The following GINS2 variants were observed in gnomAD, a reference collection of about 807,000 sequenced individuals.
GINS2 encodes GINS complex subunit 2.
In GINS2, 23 loss-of-function variants were observed where a neutral mutation model predicts 21.2. The observed-to-expected ratio is 1.08, with a 90% CI of 0.78 to 1.53. GINS2 has a LOEUF of 1.53. Among genes scored for constraint, GINS2 ranks in the 40% most tolerant of loss-of-function variants. GINS2 has a pLI of 0.00. For missense variants in GINS2, 323 were observed against 233.9 expected (o/e 1.38, Z -2.49); for synonymous variants, 118 against 85.6 (o/e 1.38, Z -2.09).
At chr16:85,678,369 G>T in intron 4 of GINS2, 32 bp from the exon 5 acceptor site, 6 of 1,611,452 alleles carry the variant, frequency 3.7e-6, no homozygotes, top group Non-Finnish European at 5.1e-6. Flanking sequence ...AGTTGGCCAA[G>T]GAGTTTTTGA....
At chr16:85,687,616 C>A (rs761987369) in intron 1 of GINS2, 42 bp from the exon 2 acceptor site, 8 of 1,213,006 alleles carry the variant, frequency 6.6e-6, no homozygotes, top group Admixed American at 5.0e-5. Context: ...TGAAAAAGAA[C>A]AAAAAAAGCA....
chr16:85,681,598 T>A lies in GINS2; in HGVS notation c.289A>T (p.Lys97Ter). 1 of 1,605,140 alleles carries A rather than the reference T, an allele frequency of 6.2e-7. No individual in the cohort carries two copies. Among genetic ancestry groups the A allele is most frequent in the Non-Finnish European group, 8.5e-7 (1 of 1,172,042 alleles). Residue 97 changes from lysine (K) to a stop codon, truncating the protein, a stop_gained, in exon 3 of 5, where the codon AAG becomes TAG. Coordinates refer to ENST00000253462, the MANE Select transcript of GINS2 (RefSeq NM_016095.3). LOFTEE classifies it high-confidence loss of function. ...MPSPYYMELT[K>*]LLLNHASDNI... ...TCTACTTACTGATTTAACAGGAGCTTCGTAAGTTCCATGTAGTAAGGGCTG... is the reference window on the plus strand; with the variant it reads ...TCTACTTACTGATTTAACAGGAGCTACGTAAGTTCCATGTAGTAAGGGCTG...
intron 3 of GINS2, among the ~76,000 whole-genome samples, chr16:85,681,342 A>G (rs1250327472): frequency 6.6e-6 from 1 of 152,238 alleles, no homozygotes; most frequent in African/African-American, 2.4e-5. Context: ...GAGAAAAGGA[A>G]AAATGAGAGA....
At chr16:85,686,711 C>T (rs1451434814) in intron 2 of GINS2, among the ~76,000 whole-genome samples, 1 of 152,174 alleles carries the variant, frequency 6.6e-6, no homozygotes, top group Non-Finnish European at 1.5e-5. Context: ...TTTCATTCAG[C>T]AAGATCTTTA....
At chr16:85,687,278 G>C (rs908134017) in intron 2 of GINS2, among the ~76,000 whole-genome samples, 182 bp downstream of exon 2, 2 of 152,244 alleles carry the variant, frequency 1.3e-5, no homozygotes, top group African/African-American at 4.8e-5. Context: ...ACTAACAGTG[G>C]TTAGCAGACT....
chr16:85,680,037 C>T lies in GINS2; in HGVS notation c.306-1371G>A, dbSNP rs147975495. 1.9e-3 allele frequency among the ~76,000 whole-genome samples: 291 copies of T among 152,332 alleles called. 2 individuals are homozygous for T. Among genetic ancestry groups the T allele is most frequent in the Admixed American group, 3.8e-3 (58 of 15,304 alleles). The stretch of plus-strand genomic sequence containing the variant: ...CCTACAAGTCTGCACTCCCAGCAAA[C>T]CTCTGTGAGCCCTCTCTGGCACCAC... On this transcript the variant is annotated intron_variant, in intron 3 of 4. Transcript: ENST00000253462.
chr16:85,679,637 G>C (rs1307990281), intron 3 of GINS2, among the ~76,000 whole-genome samples: 1 of 152,178 alleles, frequency 6.6e-6, no homozygotes, highest in Non-Finnish European at 1.5e-5. Flanking sequence ...GTAAAATTAA[G>C]TCCCTTAACC....
At chr16:85,679,583 G>A (rs76181103) in intron 3 of GINS2, among the ~76,000 whole-genome samples, 1 of 152,260 alleles carries the variant, frequency 6.6e-6, no homozygotes, top group East Asian at 1.9e-4. Flanking sequence ...CAGGTTAAAG[G>A]ACAAAGGACC....
chr16:85,684,674 CG>C (rs2053760420), intron 2 of GINS2, among the ~76,000 whole-genome samples: 1 of 151,166 alleles, frequency 6.6e-6, no homozygotes, highest in South Asian at 2.1e-4. Flanking sequence ...CTCTGTGTCC[CG>C]GTGTTGAGAA....
chr16:85,682,847 A>T (rs1246030031), intron 2 of GINS2, among the ~76,000 whole-genome samples: 1 of 152,104 alleles, frequency 6.6e-6, no homozygotes, highest in African/African-American at 2.4e-5. Context: ...CCCATTGTAA[A>T]CGGCCAACTA....
Position 85,676,402 on chromosome 16 carries a change from T to A in GINS2, c.*1810A>T, listed in dbSNP as rs2053669076. The A allele has an allele frequency of 6.6e-6, 1 of 152,212 alleles. No individual in the cohort carries two copies. 9.4% of individuals were successfully genotyped at this position (152,212 alleles called of 1,614,324 possible). A position where few individuals can be genotyped will look rare whatever the true frequency, so the allele number is the denominator to read the frequency against. ...AAAGCAGGAGGATTCCAAGGAAGGC[T>A]GAGATGAAAGAACAAGTCCTATGAG... On this transcript the variant is annotated 3_prime_UTR_variant, in exon 5 of 5. Coordinates refer to ENST00000253462, the MANE Select transcript of GINS2 (RefSeq NM_016095.3).
At chr16:85,678,746 C>T in intron 3 of GINS2, 80 bp from the exon 4 acceptor site, 1 of 1,364,458 alleles carries the variant, frequency 7.3e-7, no homozygotes. Flanking sequence ...TCTTTTCAGG[C>T]AAAATACCGT....
chr16:85,687,826 G>A, intron 1 of GINS2: 1 of 361,556 alleles, frequency 2.8e-6, no homozygotes, highest in Non-Finnish European at 5.0e-6. Context: ...TGGGTGGGGG[G>A]CGCTCCCTCT....
intron 2 of GINS2, among the ~76,000 whole-genome samples, chr16:85,682,984 G>C (rs1169938897): frequency 6.6e-6 from 1 of 151,932 alleles, no homozygotes; most frequent in African/African-American, 2.4e-5. Flanking sequence ...ACCCAGCTGA[G>C]TGTGACCCAC....
rs1163895145 is a variant in GINS2, at chr16:85,676,919, C to G, written c.*1293G>C. The G allele has an allele frequency of 2.6e-5, 4 of 152,238 alleles. No homozygotes were observed. Among genetic ancestry groups the G allele is most frequent in the Non-Finnish European group, 5.9e-5 (4 of 68,068 alleles). 9.4% of individuals were successfully genotyped at this position (152,238 alleles called of 1,614,324 possible). A position where few individuals can be genotyped will look rare whatever the true frequency, so the allele number is the denominator to read the frequency against. On this transcript the variant is annotated 3_prime_UTR_variant, in exon 5 of 5. Coordinates refer to ENST00000253462, the MANE Select transcript of GINS2 (RefSeq NM_016095.3). ...TGCTCTCGTTGCCCAGGCAGGAGTA[C>G]AGTGGTGCAATCTTGGCTCACTACA...
In GINS2 at chr16:85,676,788, G is replaced by A. The variant is rs1056053375; in HGVS notation, c.*1424C>T. On this transcript the variant is annotated 3_prime_UTR_variant, in exon 5 of 5. Transcript: ENST00000253462. ...GAGAACTGTGTGAACCCAGGAGTTC[G>A]AGGCTGCAGTGAGCTATAATCACGC... 1.3e-5 allele frequency: 2 copies of A among 152,172 alleles called. No individual in the cohort carries two copies. The highest frequency in any genetic ancestry group is 2.9e-5 in the Non-Finnish European group (2 of 68,020). The allele number at this position is 152,172 out of a possible 1,614,324, so 9.4% of individuals were successfully genotyped here.
intron 3 of GINS2, among the ~76,000 whole-genome samples, chr16:85,679,744 G>A (rs1026689511): frequency 6.6e-6 from 1 of 152,168 alleles, no homozygotes; most frequent in Non-Finnish European, 1.5e-5. Flanking sequence ...CCTAGCTAAT[G>A]CCAAATTCTT....
At position 85,678,205 on chromosome 16, in the gene GINS2, C is replaced by G. The variant is rs775034665; in HGVS notation, c.*7G>C. ...CCCCCAGCAAGCCGCCTGCACCAGG[C>G]CTTTCTCTAGAAGTCCTGAGACTGA... On this transcript the variant is annotated 3_prime_UTR_variant, in exon 5 of 5. Transcript: ENST00000253462. 6.2e-7 allele frequency: 1 copy of G among 1,612,490 alleles called. No individual in the cohort carries two copies. Among genetic ancestry groups the G allele is most frequent in the East Asian group, 2.2e-5 (1 of 44,868 alleles).
chr16:85,687,454 C>T lies in GINS2; in HGVS notation c.205+6G>A. The T allele has an allele frequency of 1.3e-6, 2 of 1,504,704 alleles. No individual in the cohort carries two copies. The highest frequency in any genetic ancestry group is 1.8e-6 in the Non-Finnish European group (2 of 1,120,232). The allele number at this position is 1,504,704 out of a possible 1,614,324, so 93.2% of individuals were successfully genotyped here. A position where few individuals can be genotyped will look rare whatever the true frequency, so the allele number is the denominator to read the frequency against. On this transcript the variant is annotated splice_donor_region_variant and intron_variant, in intron 2 of 4. Coordinates refer to ENST00000253462, the MANE Select transcript of GINS2 (RefSeq NM_016095.3). The stretch of plus-strand genomic sequence containing the variant: ...ACGCATCAACCAGTCTCCACCACAT[C>T]CTTACCTACATCCATCCACTCTGGA...
Sources: gnomAD v4.1 joint callset for allele counts (sites outside exome capture counted in the v4.1 genomes callset) on GRCh38, gnomAD v4.1.1 for gene constraint, MANE v1.5 for transcripts, NCBI Gene and HGNC (gene_info 2026-07-23, HGNC 2026-07-21) for gene names.